ADAM7: variants seen among roughly 807,000 people sequenced by gnomAD.
ADAM7 encodes disintegrin and metalloproteinase domain-containing protein 7.
Under a neutral mutation model 102.9 loss-of-function variants are expected in ADAM7, and 97 were observed. The observed-to-expected ratio is 0.94, with a 90% CI of 0.80 to 1.12. ADAM7 has a LOEUF of 1.12. ADAM7 is among the 50% of genes most tolerant of loss of function. The pLI, the probability that ADAM7 is intolerant of heterozygous loss-of-function variation, is 0.00. For synonymous variants in ADAM7, 334 were observed against 304.4 expected, an observed-to-expected ratio of 1.10 and a Z score of -1.01; for missense variants, 991 against 908.7, an observed-to-expected ratio of 1.09 and a Z score of -1.16.
chr8:24,502,698 C>T (rs952745023), intron 20 of ADAM7, among the ~76,000 whole-genome samples: 1 of 151,976 alleles, frequency 6.6e-6, no homozygotes, highest in African/African-American at 2.4e-5. Flanking sequence ...AAACAGATAA[C>T]CTGAATAGCT....
At chr8:24,453,636 C>T (rs1374489201) in intron 3 of ADAM7, among the ~76,000 whole-genome samples, 2 of 152,182 alleles carry the variant, frequency 1.3e-5, no homozygotes, top group African/African-American at 4.8e-5. Flanking sequence ...CGTCTGAAGC[C>T]TTCTTCTCTC....
chr8:24,451,872 A>C (rs1254860478), intron 3 of ADAM7, among the ~76,000 whole-genome samples: 1 of 150,430 alleles, frequency 6.6e-6, no homozygotes, highest in Non-Finnish European at 1.5e-5. Context: ...TTGGTTTCAA[A>C]GAACATCTTT....
At chr8:24,461,087 G>T (rs751528881) in intron 3 of ADAM7, among the ~76,000 whole-genome samples, 4 of 151,866 alleles carry the variant, frequency 2.6e-5, no homozygotes, top group Non-Finnish European at 5.9e-5. Flanking sequence ...CCACCTTCTG[G>T]GTTCACGCCA....
At chr8:24,479,862 C>T (rs927176513) in intron 8 of ADAM7, among the ~76,000 whole-genome samples, 56 of 152,158 alleles carry the variant, frequency 3.7e-4, no homozygotes, top group African/African-American at 1.2e-3. Flanking sequence ...CACTTGTTGG[C>T]CCTATGGCCT....
At chr8:24,461,177 G>T (rs1404780733) in intron 3 of ADAM7, among the ~76,000 whole-genome samples, 1 of 152,044 alleles carries the variant, frequency 6.6e-6, no homozygotes, top group South Asian at 2.1e-4. Context: ...TATTTTTAGT[G>T]GAGACGGGGT....
intron 3 of ADAM7, among the ~76,000 whole-genome samples, chr8:24,460,729 ATG>A (rs1563378268): frequency 1.4e-5 from 2 of 142,016 alleles, no homozygotes; most frequent in Non-Finnish European, 3.0e-5. Flanking sequence ...ACACATATAT[ATG>A]TGTGTATATA....
chr8:24,490,981 C>A, intron 13 of ADAM7, 93 bp downstream of exon 13: 1 of 1,249,500 alleles, frequency 8.0e-7, no homozygotes. Context: ...CCCTGCACCA[C>A]TGACTCCAAA....
chr8:24,488,915 C>A (rs1820239521), intron 11 of ADAM7, among the ~76,000 whole-genome samples: 1 of 152,052 alleles, frequency 6.6e-6, no homozygotes, highest in Non-Finnish European at 1.5e-5. Context: ...GACAACCAGT[C>A]TGTAAGGTGG....
chr8:24,482,395 T>G, intron 9 of ADAM7, 84 bp downstream of exon 9: 1 of 1,405,604 alleles, frequency 7.1e-7, no homozygotes, highest in Non-Finnish European at 9.7e-7. Context: ...AAAAAAACAT[T>G]TTTTAAGCAT....
At chr8:24,507,390 T>A in intron 20 of ADAM7, 90 bp from the exon 21 acceptor site, 1 of 1,021,560 alleles carries the variant, frequency 9.8e-7, no homozygotes. Context: ...TGTGCTCATG[T>A]GTATGTGTGC....
At chr8:24,446,445 T>C (rs1818561627) in intron 2 of ADAM7, among the ~76,000 whole-genome samples, 1 of 152,154 alleles carries the variant, frequency 6.6e-6, no homozygotes. Context: ...CATGACCACT[T>C]CCTTTCTTCA....
At chr8:24,469,741 A>C (rs1202026689) in intron 7 of ADAM7, among the ~76,000 whole-genome samples, 4 of 152,174 alleles carry the variant, frequency 2.6e-5, no homozygotes, top group Non-Finnish European at 5.9e-5. Flanking sequence ...TGACACTGAA[A>C]TGACTAGAAA....
intron 7 of ADAM7, among the ~76,000 whole-genome samples, chr8:24,470,758 T>C (rs990435909): frequency 2.0e-5 from 3 of 152,230 alleles, no homozygotes; most frequent in Non-Finnish European, 4.4e-5. Context: ...CATACAATTA[T>C]GTACGGTACA....
intron 5 of ADAM7, among the ~76,000 whole-genome samples, chr8:24,466,482 A>C (rs924233736): frequency 6.6e-6 from 1 of 152,166 alleles, no homozygotes; most frequent in Non-Finnish European, 1.5e-5. Context: ...AGACATAGAA[A>C]CTCACATAAT....
At chr8:24,497,859 T>C (rs1820612857) in intron 16 of ADAM7, among the ~76,000 whole-genome samples, 3 of 152,196 alleles carry the variant, frequency 2.0e-5, no homozygotes, top group Middle Eastern at 3.4e-3. Flanking sequence ...GTTACCATAA[T>C]ACTTCTCTGC....
In ADAM7 at chr8:24,487,352, T is replaced by C. The variant is rs753093249; in HGVS notation, c.1091+35T>C. 5 of 1,605,638 alleles carry C rather than the reference T, an allele frequency of 3.1e-6. No individual in the cohort carries two copies. The South Asian group carries it at 4.4e-5, about 14-fold the overall frequency. ...GAACAATGTACAGAATACACTTACA[T>C]AATTCAGAAGTGGGCTGGGCATGGT... is the stretch of plus-strand genomic sequence containing the variant. On this transcript the variant is annotated intron_variant, in intron 11 of 21. Transcript: ENST00000175238.
intron 6 of ADAM7, chr8:24,467,212 T>C (rs1819457449): frequency 3.5e-6 from 2 of 576,560 alleles, no homozygotes; most frequent in South Asian, 2.4e-5. Flanking sequence ...TCTACAATTC[T>C]ATGTATAGAT....
intron 14 of ADAM7, 138 bp downstream of exon 14, chr8:24,492,236 GATATTACCTGTC>G: frequency 2.3e-6 from 2 of 861,708 alleles, no homozygotes; most frequent in South Asian, 3.6e-5. Context: ...CATTTCTCTG[GATATTACCTGTC>G]ATATTAGTTG....
chr8:24,475,325 A>G (rs926721787), intron 7 of ADAM7, among the ~76,000 whole-genome samples: 9 of 152,160 alleles, frequency 5.9e-5, no homozygotes, highest in Admixed American at 1.3e-4. Flanking sequence ...CAATCAATCA[A>G]TGGAAATCCT....
Sources: allele counts gnomAD v4.1 joint callset (sites outside exome capture counted in the v4.1 genomes callset), GRCh38; gene constraint gnomAD v4.1.1; transcripts MANE v1.5; gene names NCBI Gene and HGNC (gene_info 2026-07-23, HGNC 2026-07-21).